Variants in PCDHGB6 observed in about 807,000 individuals in gnomAD.
The protein encoded by PCDHGB6 is protocadherin gamma subfamily B, 6.
A neutral mutation model predicts 59.1 loss-of-function variants in PCDHGB6; 51 were observed. The observed-to-expected ratio is 0.86, with a 90% confidence interval of 0.69 to 1.09. The LOEUF is 1.09. Ranked by LOEUF, PCDHGB6 falls within the 50% of genes least tolerant of loss-of-function variation. The probability of loss-of-function intolerance (pLI) is 0.00; values close to 1 mark genes in which losing one functional copy is unlikely to be tolerated. For missense variants in PCDHGB6, 1,148 were observed against 1,205.1 expected (o/e 0.95, Z 0.70); for synonymous variants, 466 against 495.1 (o/e 0.94, Z 0.78).
intron 1 of PCDHGB6, among the ~76,000 whole-genome samples, chr5:141,460,912 G>GTGTATA (rs145509489): frequency 0.032 from 4,842 of 149,286 alleles, 90 homozygotes; most frequent in Middle Eastern, 0.083. Flanking sequence ...ATTCCATGGT[G>GTGTATA]TATATATATA....
intron 1 of PCDHGB6, among the ~76,000 whole-genome samples, chr5:141,438,591 C>CATATATAT (rs946798767): frequency 3.4e-4 from 26 of 75,528 alleles, no homozygotes; most frequent in Non-Finnish European, 5.4e-4. Flanking sequence ...TACATACATA[C>CATATATAT]ATATATATAT....
rs1290674122 is a variant in PCDHGB6 at position 141,489,521 on chromosome 5, G to A, written c.2419-5286G>A. 3 of 1,613,988 alleles carry A rather than the reference G, an allele frequency of 1.9e-6. No individual in the cohort carries two copies. The highest frequency in any genetic ancestry group is 2.2e-5 in the East Asian group (1 of 44,886). On this transcript the variant is annotated intron_variant, in intron 1 of 3. Coordinates refer to ENST00000520790, the MANE Select transcript of PCDHGB6 (RefSeq NM_018926.3). This position sits in a 1 kb window ranked among gnomAD's most constrained non-coding sequence, Gnocchi z 4.5. ...GTGAATCAAAAGATTGACCGAGAAAGCCTATGTGGAGCCAGCACCAGCTGC... is the reference window on the plus strand; with the variant it reads ...GTGAATCAAAAGATTGACCGAGAAAACCTATGTGGAGCCAGCACCAGCTGC...
chr5:141,446,821 T>C lies in PCDHGB6; in HGVS notation c.2418+36201T>C, dbSNP rs183143971. ...CATTGTGATCATCTAGTCAGATGGG[T>C]AGATCCTTATAAGGCTGAGCATAAT... On this transcript the variant is annotated intron_variant, in intron 1 of 3. Coordinates refer to ENST00000520790, the MANE Select transcript of PCDHGB6 (RefSeq NM_018926.3). 1.6e-3 allele frequency among the ~76,000 whole-genome samples: 244 copies of C among 152,302 alleles called. 2 individuals carry two copies. The highest frequency in any genetic ancestry group is 5.4e-3 in the African/African-American group (223 of 41,572).
At chr5:141,503,387 G>A (rs975079596) in intron 2 of PCDHGB6, among the ~76,000 whole-genome samples, 24 of 152,068 alleles carry the variant, frequency 1.6e-4, no homozygotes, top group Middle Eastern at 3.4e-3. Flanking sequence ...ATGAGGTCAG[G>A]AGTTCGAAAC....
At chr5:141,456,197 C>T (rs1353243708) in intron 1 of PCDHGB6, among the ~76,000 whole-genome samples, 1 of 152,090 alleles carries the variant, frequency 6.6e-6, no homozygotes, top group Non-Finnish European at 1.5e-5. Context: ...ATAACTCCTA[C>T]CACATTCCTC....
In PCDHGB6 at chr5:141,490,490, C is replaced by A. The variant is rs886264588; in HGVS notation, c.2419-4317C>A. The A allele has an allele frequency of 1.2e-6, 2 of 1,614,184 alleles. No individual in the cohort carries two copies. Among genetic ancestry groups the A allele is most frequent in the Non-Finnish European group, 1.7e-6 (2 of 1,180,028 alleles). ...AGCCAGCCTTTGGACCGGGAGGCCA[C>A]ATCCCACTATATCATCGAGCTGCTG... On this transcript the variant is annotated intron_variant, in intron 1 of 3. Transcript: ENST00000520790. The surrounding 1 kb of genome is among the most constrained non-coding windows in gnomAD (Gnocchi z 5.4).
chr5:141,460,576 G>A (rs2098992216), intron 1 of PCDHGB6, among the ~76,000 whole-genome samples: 1 of 152,082 alleles, frequency 6.6e-6, no homozygotes, highest in Non-Finnish European at 1.5e-5. Flanking sequence ...ACATATGTAG[G>A]TGTGGGTTTT....
In PCDHGB6 at chr5:141,476,258, G is replaced by A. The variant is rs1247889010; in HGVS notation, c.2419-18549G>A. 1 of 1,614,018 alleles carries A rather than the reference G, an allele frequency of 6.2e-7. No individual in the cohort carries two copies. Among genetic ancestry groups the A allele is most frequent in the South Asian group, 1.1e-5 (1 of 91,066 alleles). Reference sequence around the variant, plus strand: ...GGAAAGAGAGAAGGGTTTCGCTGTGGGCAACGTGGTCGCGAACCTTGGTTT... The same window carrying A: ...GGAAAGAGAGAAGGGTTTCGCTGTGAGCAACGTGGTCGCGAACCTTGGTTT... On this transcript the variant is annotated intron_variant, in intron 1 of 3. Coordinates refer to ENST00000520790, the MANE Select transcript of PCDHGB6 (RefSeq NM_018926.3). This position sits in a 1 kb window ranked among gnomAD's most constrained non-coding sequence, Gnocchi z 7.6.
Position 141,490,046 on chromosome 5 carries a change from C to A in PCDHGB6, c.2419-4761C>A, listed in dbSNP as rs2099695274. ...CTGCTCCGCCTCAATGCCACTGATC[C>A]AGACGAGGGCACCAACGGCCAACTA... On this transcript the variant is annotated intron_variant, in intron 1 of 3. Transcript: ENST00000520790. This position sits in a 1 kb window ranked among gnomAD's most constrained non-coding sequence, Gnocchi z 5.4. 1 of 1,614,094 alleles carries A rather than the reference C, an allele frequency of 6.2e-7. No individual in the cohort carries two copies.
rs149806642 is a variant in PCDHGB6 at position 141,502,449 on chromosome 5, A to T, written c.2478-2944A>T. 7.7e-3 allele frequency among the ~76,000 whole-genome samples: 1,166 copies of T among 151,886 alleles called. 15 individuals carry two copies. The highest frequency in any genetic ancestry group is 0.027 in the African/African-American group (1,103 of 41,308). On this transcript the variant is annotated intron_variant, in intron 2 of 3. Coordinates refer to ENST00000520790, the MANE Select transcript of PCDHGB6 (RefSeq NM_018926.3). The stretch of plus-strand genomic sequence containing the variant: ...TCTGATGGTTAGATTCAGATTACAC[A>T]CCTTGGTAGGAATACTTCCCGCAGC...
At chr5:141,510,518 G>A (rs904482737) in intron 3 of PCDHGB6, among the ~76,000 whole-genome samples, 9 of 152,112 alleles carry the variant, frequency 5.9e-5, no homozygotes, top group Non-Finnish European at 1.0e-4. Flanking sequence ...CCGTGTCACA[G>A]CCCTGAGAGA....
chr5:141,418,948 A>G (rs767664022), intron 1 of PCDHGB6: 1 of 1,614,042 alleles, frequency 6.2e-7, no homozygotes, highest in Non-Finnish European at 8.5e-7. Context: ...CCCCTCCAGG[A>G]GTGGTTGTTG....
intron 2 of PCDHGB6, among the ~76,000 whole-genome samples, chr5:141,502,783 G>A (rs2099816035): frequency 6.6e-6 from 1 of 151,652 alleles, no homozygotes; most frequent in African/African-American, 2.4e-5. Context: ...AAAATTACCT[G>A]GATGATTTCT....
chr5:141,417,721 C>A, intron 1 of PCDHGB6: 2 of 1,330,572 alleles, frequency 1.5e-6, no homozygotes, highest in Non-Finnish European at 2.0e-6. Context: ...CCCGGCTGCG[C>A]AGACCTTGCC....
intron 1 of PCDHGB6, chr5:141,426,793 A>G: frequency 2.2e-6 from 1 of 456,734 alleles, no homozygotes; most frequent in South Asian, 1.5e-5. Context: ...CAGAGTTACC[A>G]GCTCAGTTCT....
At chr5:141,509,117 G>A (rs1271574654) in intron 3 of PCDHGB6, among the ~76,000 whole-genome samples, 1 of 152,150 alleles carries the variant, frequency 6.6e-6, no homozygotes, top group Admixed American at 6.5e-5. Flanking sequence ...GCGCTGGTGC[G>A]TGAAGAGAAA....
rs936750924 is a variant in PCDHGB6, at chr5:141,418,950, T to A, written c.2418+8330T>A. On this transcript the variant is annotated intron_variant, in intron 1 of 3. Transcript: ENST00000520790. ...ATTATGGAGGATTCCCCTCCAGGAG[T>A]GGTTGTTGCCCTCTTCAAAACACGG... 23 of 1,613,742 alleles carry A rather than the reference T, an allele frequency of 1.4e-5. No individual in the cohort carries two copies. Among genetic ancestry groups the A allele is most frequent in the Non-Finnish European group, 1.9e-5 (23 of 1,179,860 alleles).
In PCDHGB6 at chr5:141,413,208, A is replaced by G. The variant is rs532127106; in HGVS notation, c.2418+2588A>G. The G allele has an allele frequency of 3.5e-5, 57 of 1,612,984 alleles. No individual in the cohort carries two copies. The African/African-American group carries it at 5.2e-4, about 15-fold the overall frequency. On this transcript the variant is annotated intron_variant, in intron 1 of 3. Coordinates refer to ENST00000520790, the MANE Select transcript of PCDHGB6 (RefSeq NM_018926.3). ...CTCAAAGGAATCGCTCAAAGGAATC[A>G]AAGGATTGCAGCGGGCTGGTCCTGC... is the stretch of plus-strand genomic sequence containing the variant.
At chr5:141,469,721 A>G (rs1238006043) in intron 1 of PCDHGB6, among the ~76,000 whole-genome samples, 5 of 152,270 alleles carry the variant, frequency 3.3e-5, no homozygotes, top group African/African-American at 1.2e-4. Context: ...TTAGGAATTT[A>G]TCATAAATAC....
Sources: gnomAD v4.1 joint callset for allele counts (sites outside exome capture counted in the v4.1 genomes callset) on GRCh38, gnomAD v4.1.1 for gene constraint, Gnocchi (gnomAD v3.1) non-coding constraint, MANE v1.5 for transcripts, NCBI Gene and HGNC (gene_info 2026-07-23, HGNC 2026-07-21) for gene names.